Variants in RAD51B observed in about 807,000 individuals in gnomAD.
The protein encoded by RAD51B is DNA repair protein RAD51 homolog 2.
In RAD51B, 38 loss-of-function variants were observed where a neutral mutation model predicts 42.2. That is an observed-to-expected ratio of 0.90 (90% CI 0.70 to 1.18). The LOEUF is 1.18. Among genes scored for constraint, RAD51B ranks in the 50% most tolerant of loss-of-function variants. The pLI is 0.00. For synonymous variants in RAD51B, 154 were observed against 145.2 expected (o/e 1.06, Z -0.43); for missense variants, 373 against 400.7 (o/e 0.93, Z 0.59).
At chr14:68,035,396 A>T (rs575040192) in intron 7 of RAD51B, among the ~76,000 whole-genome samples, 115 of 152,248 alleles carry the variant, frequency 7.6e-4, no homozygotes, top group African/African-American at 2.7e-3. Context: ...ACAAATTAAC[A>T]TATCCTGAGT....
chr14:67,862,075 G>A (rs868095156), intron 4 of RAD51B, among the ~76,000 whole-genome samples: 2 of 151,930 alleles, frequency 1.3e-5, no homozygotes, highest in Non-Finnish European at 2.9e-5. Context: ...TTACAGCATG[G>A]TAACTATAGT....
chr14:68,130,360 CTGTGT>C (rs1566668099), intron 7 of RAD51B, among the ~76,000 whole-genome samples: 1 of 152,184 alleles, frequency 6.6e-6, no homozygotes, highest in Non-Finnish European at 1.5e-5. Context: ...TCTCCTCTTG[CTGTGT>C]TTAAAGATTG....
At chr14:67,828,986 T>G (rs1454248920) in intron 3 of RAD51B, among the ~76,000 whole-genome samples, 1 of 152,220 alleles carries the variant, frequency 6.6e-6, no homozygotes, top group East Asian at 1.9e-4. Flanking sequence ...TGGTTTCATA[T>G]GAATTTTAAA....
At chr14:67,984,732 G>A (rs569820473) in intron 7 of RAD51B, among the ~76,000 whole-genome samples, 9 of 152,198 alleles carry the variant, frequency 5.9e-5, no homozygotes, top group South Asian at 2.1e-4. Context: ...CTTTTGTGCC[G>A]AGCTGTCAGT....
chr14:68,269,778 A>T (rs1779026768), intron 7 of RAD51B, among the ~76,000 whole-genome samples: 1 of 152,112 alleles, frequency 6.6e-6, no homozygotes, highest in Admixed American at 6.6e-5. Context: ...ACACATGTGG[A>T]CTCAATGAGG....
intron 10 of RAD51B, among the ~76,000 whole-genome samples, chr14:68,564,173 G>A (rs74637563): frequency 0.017 from 2,634 of 152,278 alleles, 38 homozygotes; most frequent in Middle Eastern, 0.027. Context: ...ATTTTTCTGC[G>A]CTGGATCCTT....
intron 7 of RAD51B, chr14:68,236,652 GTTC>G (rs1285067561): frequency 2.0e-5 from 3 of 152,174 alleles, no homozygotes; most frequent in African/African-American, 4.8e-5. Context: ...TTTGGATTCT[GTTC>G]TTCTTCTACA....
intron 9 of RAD51B, among the ~76,000 whole-genome samples, chr14:68,451,419 AAGACGAAGC>A (rs1225257946): frequency 2.0e-5 from 3 of 152,228 alleles, no homozygotes; most frequent in African/African-American, 7.2e-5. Context: ...GAAAATACAA[AAGACGAAGC>A]TGACAGGTTC....
chr14:67,882,159 G>A (rs1056585475), intron 5 of RAD51B, among the ~76,000 whole-genome samples: 10 of 152,084 alleles, frequency 6.6e-5, no homozygotes, highest in African/African-American at 2.4e-4. Flanking sequence ...TTTTAGTACA[G>A]ATAAGGTTTT....
At chr14:68,554,291 C>G (rs895085180) in intron 10 of RAD51B, among the ~76,000 whole-genome samples, 1 of 152,198 alleles carries the variant, frequency 6.6e-6, no homozygotes, top group Non-Finnish European at 1.5e-5. Flanking sequence ...CCTTGACCTC[C>G]TAAGCAAGAC....
At chr14:68,268,569 C>T (rs898731989) in intron 7 of RAD51B, among the ~76,000 whole-genome samples, 16 of 152,150 alleles carry the variant, frequency 1.1e-4, no homozygotes, top group African/African-American at 3.9e-4. Context: ...AAACTATGGG[C>T]TTTGTGGATT....
At chr14:67,869,323 A>G (rs1017660995) in intron 5 of RAD51B, among the ~76,000 whole-genome samples, 4 of 152,246 alleles carry the variant, frequency 2.6e-5, no homozygotes, top group Non-Finnish European at 4.4e-5. Context: ...ATCAACTGGA[A>G]GAAAGGGTAT....
At chr14:68,035,113 GTTTCTGTGGATTATACTCATGGA>G (rs1197521481) in intron 7 of RAD51B, among the ~76,000 whole-genome samples, 6 of 152,250 alleles carry the variant, frequency 3.9e-5, no homozygotes, top group East Asian at 3.9e-4. Flanking sequence ...ACTGTGGATT[GTTTCTGTGGATTATACTCATGGA>G]TTTCTGTGGA....
At chr14:68,261,212 T>A (rs2080881991) in intron 7 of RAD51B, among the ~76,000 whole-genome samples, 1 of 152,230 alleles carries the variant, frequency 6.6e-6, no homozygotes, top group South Asian at 2.1e-4. Context: ...TGGCCCGCAG[T>A]TTTTACCGGC....
intron 7 of RAD51B, among the ~76,000 whole-genome samples, chr14:68,251,949 A>G (rs375908378): frequency 6.0e-4 from 92 of 152,324 alleles, no homozygotes; most frequent in Non-Finnish European, 1.1e-3. Context: ...CCTGTCTGCC[A>G]TTTGGGGAAG....
At chr14:68,542,734 A>C (rs1888032511) in intron 10 of RAD51B, among the ~76,000 whole-genome samples, 1 of 152,198 alleles carries the variant, frequency 6.6e-6, no homozygotes, top group African/African-American at 2.4e-5. Context: ...CTGACTTCTA[A>C]ATTCTAATGG....
chr14:68,225,199 C>T (rs1301520547), intron 7 of RAD51B, among the ~76,000 whole-genome samples: 2 of 152,128 alleles, frequency 1.3e-5, no homozygotes, highest in Non-Finnish European at 2.9e-5. Flanking sequence ...CAACTCATTG[C>T]TTTTTAGATA....
At chr14:68,467,977 A>G (rs1430785896) in intron 9 of RAD51B, among the ~76,000 whole-genome samples, 195 bp from the exon 10 acceptor site, 2 of 152,248 alleles carry the variant, frequency 1.3e-5, no homozygotes, top group African/African-American at 2.4e-5. Context: ...ATAAGCATAC[A>G]GCCTTTTAAG....
At chr14:68,400,122 C>G (rs1429190764) in intron 8 of RAD51B, among the ~76,000 whole-genome samples, 1 of 152,222 alleles carries the variant, frequency 6.6e-6, no homozygotes, top group Non-Finnish European at 1.5e-5. Context: ...AAAGGACCCT[C>G]TCTCAGCCCT....
Sources: gnomAD v4.1 joint callset for allele counts (sites outside exome capture counted in the v4.1 genomes callset) on GRCh38, gnomAD v4.1.1 for gene constraint, MANE v1.5 for transcripts, NCBI Gene and HGNC (gene_info 2026-07-23, HGNC 2026-07-21) for gene names.